Variants in PDE4B observed in about 807,000 individuals in gnomAD.
PDE4B encodes phosphodiesterase 4B, also known as 3',5'-cyclic-AMP phosphodiesterase 4B.
Under a neutral mutation model 82.2 loss-of-function variants are expected in PDE4B, and 20 were observed. The observed-to-expected ratio is 0.24, with a 90% CI of 0.17 to 0.35. The LOEUF is 0.35. PDE4B is among the 10% of genes least tolerant of loss of function. The pLI, the probability that PDE4B is intolerant of heterozygous loss-of-function variation, is 1.00. For synonymous variants in PDE4B, 320 were observed against 318.9 expected (o/e 1.00, Z -0.04); for missense variants, 655 against 907.2 (o/e 0.72, Z 3.57).
intron 1 of PDE4B, among the ~76,000 whole-genome samples, chr1:65,835,921 T>C (rs892664893): frequency 1.3e-5 from 2 of 151,962 alleles, no homozygotes; most frequent in Non-Finnish European, 2.9e-5. Context: ...TTACTCTCTT[T>C]TTTTTTTATT....
rs552770138 is a variant in PDE4B, at chr1:65,878,993, A to C, written c.-70-34252A>C. On this transcript the variant is annotated intron_variant, in intron 1 of 16. Transcript: ENST00000341517. Reference sequence around the variant, plus strand: ...CTATGATGTGCCAGGTATTATCTAAAGTCTTTACATAGTTATCTTGATGTC... The same window carrying C: ...CTATGATGTGCCAGGTATTATCTAACGTCTTTACATAGTTATCTTGATGTC... Among the ~76,000 whole-genome samples, 4 of 152,330 alleles carry C rather than the reference A, an allele frequency of 2.6e-5. No individual in the cohort carries two copies. The East Asian group carries it at 7.7e-4, about 29-fold the overall frequency.
At chr1:66,124,618 C>G (rs935832449) in intron 3 of PDE4B, among the ~76,000 whole-genome samples, 3 of 152,068 alleles carry the variant, frequency 2.0e-5, no homozygotes, top group African/African-American at 7.2e-5. Flanking sequence ...AATATATCAT[C>G]CCCCATATTT....
At chr1:66,205,365 C>G (rs1570466789) in intron 3 of PDE4B, among the ~76,000 whole-genome samples, 1 of 152,202 alleles carries the variant, frequency 6.6e-6, no homozygotes, top group African/African-American at 2.4e-5. Context: ...CCAGAGATAA[C>G]TACTGATAAC....
intron 3 of PDE4B, among the ~76,000 whole-genome samples, chr1:66,114,505 G>GA (rs1400086474): frequency 2.6e-5 from 4 of 151,880 alleles, no homozygotes; most frequent in Admixed American, 2.6e-4. Flanking sequence ...TTATTAGTCT[G>GA]AAAAAATAAC....
intron 3 of PDE4B, among the ~76,000 whole-genome samples, chr1:66,068,466 C>A (rs1392819): frequency 0.47 from 71,685 of 151,550 alleles, 17,593 homozygotes; most frequent in Non-Finnish European, 0.54. Flanking sequence ...TGAACCCCTA[C>A]CCATTTAAAA....
chr1:65,871,848 C>A (rs559416643), intron 1 of PDE4B, among the ~76,000 whole-genome samples: 35 of 152,260 alleles, frequency 2.3e-4, no homozygotes, highest in African/African-American at 7.7e-4. Flanking sequence ...CTCTAGATGT[C>A]TACTTAATAT....
chr1:66,101,537 A>C (rs1186724850), intron 3 of PDE4B, among the ~76,000 whole-genome samples: 1 of 152,070 alleles, frequency 6.6e-6, no homozygotes, highest in African/African-American at 2.4e-5. Flanking sequence ...ACTGGTGTGA[A>C]ATGGTATCTC....
chr1:65,809,900 G>T (rs1645800348), intron 1 of PDE4B, among the ~76,000 whole-genome samples: 1 of 152,180 alleles, frequency 6.6e-6, no homozygotes, highest in African/African-American at 2.4e-5. Context: ...CATGCCTTGT[G>T]CTTAACTTAT....
intron 1 of PDE4B, among the ~76,000 whole-genome samples, chr1:65,849,817 C>T (rs1033912651): frequency 2.0e-4 from 30 of 152,164 alleles, no homozygotes; most frequent in African/African-American, 6.0e-4. Flanking sequence ...TTGGAACCCT[C>T]TGTTACAAAG....
chr1:65,947,210 G>GAT (rs1306715469), intron 3 of PDE4B, among the ~76,000 whole-genome samples: 1 of 151,990 alleles, frequency 6.6e-6, no homozygotes, highest in Non-Finnish European at 1.5e-5. Flanking sequence ...CAAGACTGTG[G>GAT]ATATACACTA....
intron 3 of PDE4B, among the ~76,000 whole-genome samples, chr1:66,187,651 T>C (rs1035502675): frequency 6.6e-6 from 1 of 152,230 alleles, no homozygotes; most frequent in African/African-American, 2.4e-5. Context: ...CTGATGGTAG[T>C]TGGTATTTCT....
chr1:66,283,516 C>A (rs1277775728), intron 7 of PDE4B, among the ~76,000 whole-genome samples: 1 of 151,830 alleles, frequency 6.6e-6, no homozygotes, highest in Non-Finnish European at 1.5e-5. Flanking sequence ...TTCTACTATG[C>A]GCAAAGCCCT....
intron 3 of PDE4B, among the ~76,000 whole-genome samples, chr1:66,054,212 G>A (rs944736158): frequency 3.9e-5 from 6 of 152,074 alleles, no homozygotes; most frequent in Non-Finnish European, 7.4e-5. Flanking sequence ...GATTACTAAC[G>A]TGTAATATGT....
intron 1 of PDE4B, among the ~76,000 whole-genome samples, chr1:65,853,557 G>T (rs1646356316): frequency 6.7e-6 from 1 of 148,268 alleles, no homozygotes; most frequent in Non-Finnish European, 1.5e-5. Flanking sequence ...TTGAGACGGA[G>T]TCTCACTCTG....
chr1:66,251,599 G>C (rs1475506743), intron 4 of PDE4B, among the ~76,000 whole-genome samples: 1 of 152,176 alleles, frequency 6.6e-6, no homozygotes, highest in Non-Finnish European at 1.5e-5. Context: ...ATAAGGGCAG[G>C]CATAGAGAGC....
At chr1:66,279,344 A>C (rs1030544780) in intron 7 of PDE4B, among the ~76,000 whole-genome samples, 3 of 152,204 alleles carry the variant, frequency 2.0e-5, no homozygotes, top group African/African-American at 7.2e-5. Context: ...ACTTGTGTGA[A>C]TAAGACCTAG....
chr1:66,311,380 A>G (rs995269620), intron 7 of PDE4B, among the ~76,000 whole-genome samples: 13 of 152,378 alleles, frequency 8.5e-5, no homozygotes, highest in Non-Finnish European at 1.9e-4. Context: ...ACAAATCATC[A>G]TTGCTATGAG....
intron 8 of PDE4B, among the ~76,000 whole-genome samples, chr1:66,335,182 G>A (rs1273097496): frequency 6.6e-6 from 1 of 152,138 alleles, no homozygotes; most frequent in Non-Finnish European, 1.5e-5. Flanking sequence ...AGATCTGGAA[G>A]TGATGTGAAG....
At chr1:66,204,411 C>A (rs1649350122) in intron 3 of PDE4B, among the ~76,000 whole-genome samples, 1 of 152,184 alleles carries the variant, frequency 6.6e-6, no homozygotes, top group Non-Finnish European at 1.5e-5. Context: ...GAGGTTACTG[C>A]TGTCTTTTTG....
Sources: gnomAD v4.1 joint callset for allele counts (sites outside exome capture counted in the v4.1 genomes callset) on GRCh38, gnomAD v4.1.1 for gene constraint, MANE v1.5 for transcripts, NCBI Gene and HGNC (gene_info 2026-07-23, HGNC 2026-07-21) for gene names.